ATP2B2: variants seen among roughly 807,000 people sequenced by gnomAD.
The protein encoded by ATP2B2 is plasma membrane calcium-transporting ATPase 2.
ATP2B2 carries 15 observed loss-of-function variants against 120.0 expected under a neutral mutation model. The observed-to-expected ratio is 0.12, with a 90% CI of 0.08 to 0.19. The LOEUF is 0.19. ATP2B2 is among the 10% of genes least tolerant of loss of function. The pLI is 1.00. For missense variants in ATP2B2, 1,045 were observed against 1,719.8 expected (o/e 0.61, Z 6.94); for synonymous variants, 694 against 700.3 (o/e 0.99, Z 0.14).
intron 2 of ATP2B2, among the ~76,000 whole-genome samples, chr3:10,598,290 A>C (rs1467492787): frequency 6.6e-6 from 1 of 152,220 alleles, no homozygotes; most frequent in East Asian, 1.9e-4. Context: ...TTCAAATTCC[A>C]GTTTCTCTGC....
At chr3:10,661,843 C>A (rs1221495110) in intron 1 of ATP2B2, among the ~76,000 whole-genome samples, 1 of 152,206 alleles carries the variant, frequency 6.6e-6, no homozygotes, top group Non-Finnish European at 1.5e-5. Context: ...TACCTGACTT[C>A]AAACTATACT....
intron 10 of ATP2B2, 64 bp downstream of exon 10, chr3:10,378,188 G>T: frequency 6.3e-7 from 1 of 1,578,804 alleles, no homozygotes; most frequent in East Asian, 2.3e-5. Context: ...CCGAGCATGG[G>T]GCAGGGCTCT....
At chr3:10,421,907 G>T (rs150728327) in intron 2 of ATP2B2, among the ~76,000 whole-genome samples, 3 of 152,180 alleles carry the variant, frequency 2.0e-5, no homozygotes, top group African/African-American at 7.2e-5. Context: ...TTCCTGAAAG[G>T]CTTCCTTGAT....
intron 1 of ATP2B2, among the ~76,000 whole-genome samples, chr3:10,474,836 A>T (rs555244102): frequency 1.3e-5 from 2 of 152,362 alleles, no homozygotes; most frequent in Admixed American, 1.3e-4. Flanking sequence ...CAGACTTTCC[A>T]TGGCCTTCTG....
intron 1 of ATP2B2, among the ~76,000 whole-genome samples, chr3:10,686,479 C>T (rs1414443195): frequency 6.6e-6 from 1 of 152,014 alleles, no homozygotes; most frequent in Non-Finnish European, 1.5e-5. Context: ...ACGGTGAAAC[C>T]CCATCTCTAC....
chr3:10,366,377 G>C (rs771543388), intron 12 of ATP2B2, among the ~76,000 whole-genome samples: 4 of 152,170 alleles, frequency 2.6e-5, no homozygotes, highest in African/African-American at 4.8e-5. Context: ...GGGTGTACTG[G>C]GGACCTGGGG....
At chr3:10,412,529 C>T (rs1273636641) in intron 2 of ATP2B2, among the ~76,000 whole-genome samples, 3 of 152,162 alleles carry the variant, frequency 2.0e-5, no homozygotes, top group Non-Finnish European at 4.4e-5. Context: ...TTCAGCAAAC[C>T]GGGAACAGCC....
At chr3:10,616,060 C>T (rs2069376781) in intron 2 of ATP2B2, among the ~76,000 whole-genome samples, 2 of 152,112 alleles carry the variant, frequency 1.3e-5, no homozygotes, top group Non-Finnish European at 2.9e-5. Context: ...ACACTTACCT[C>T]CCTCCCCCGA....
rs530840751 is a variant in ATP2B2 at position 10,409,153 on chromosome 3, G to T, written c.397+1465C>A. Among the ~76,000 whole-genome samples, 17 of 152,246 alleles carry T rather than the reference G, an allele frequency of 1.1e-4. No homozygotes were observed. In the South Asian group the frequency reaches 3.5e-3, roughly 32 times the overall value. Reference sequence around the variant, plus strand: ...TGTTACACTCTTAGCTTTGTTCAAGGCTTATTCAAGTCGTCATGTACTACC... The same window carrying T: ...TGTTACACTCTTAGCTTTGTTCAAGTCTTATTCAAGTCGTCATGTACTACC... On this transcript the variant is annotated intron_variant, in intron 3 of 22. Transcript: ENST00000360273.
intron 1 of ATP2B2, among the ~76,000 whole-genome samples, chr3:10,459,988 A>G (rs1372034300): frequency 2.0e-5 from 3 of 152,150 alleles, no homozygotes; most frequent in Non-Finnish European, 2.9e-5. Flanking sequence ...TCTGGTTTCT[A>G]CAGTGAGGCA....
chr3:10,670,511 G>C (rs1038771226), intron 1 of ATP2B2, among the ~76,000 whole-genome samples: 5 of 152,202 alleles, frequency 3.3e-5, no homozygotes, highest in Admixed American at 3.3e-4. Context: ...TCTGCCTCCC[G>C]GGTTCAAGCA....
chr3:10,382,872 C>T (rs1293805381), intron 8 of ATP2B2, among the ~76,000 whole-genome samples: 3 of 151,418 alleles, frequency 2.0e-5, no homozygotes, highest in Non-Finnish European at 4.4e-5. Flanking sequence ...ATATCCAAGT[C>T]ATTGTGATCT....
At chr3:10,421,101 C>A (rs1366397664) in intron 2 of ATP2B2, among the ~76,000 whole-genome samples, 1 of 152,172 alleles carries the variant, frequency 6.6e-6, no homozygotes, top group Admixed American at 6.5e-5. Context: ...GGGCCAGCTG[C>A]ATTGTCCTTG....
chr3:10,654,459 A>C (rs1034861627), intron 1 of ATP2B2, among the ~76,000 whole-genome samples: 9 of 152,138 alleles, frequency 5.9e-5, no homozygotes, highest in Admixed American at 5.2e-4. Context: ...CGAGTGGATG[A>C]GGCGGGAAAT....
chr3:10,581,117 A>T (rs2068378976), intron 2 of ATP2B2, among the ~76,000 whole-genome samples: 1 of 152,218 alleles, frequency 6.6e-6, no homozygotes, highest in Admixed American at 6.5e-5. Context: ...AGATGATGGC[A>T]CTTGCCCAAG....
chr3:10,700,169 T>C (rs1198672584), intron 1 of ATP2B2, among the ~76,000 whole-genome samples: 1 of 152,108 alleles, frequency 6.6e-6, no homozygotes, highest in Non-Finnish European at 1.5e-5. Context: ...GACACCCACC[T>C]CTGCTTGGAA....
upstream of ATP2B2, among the ~76,000 whole-genome samples, chr3:10,509,950 C>T (rs565357052): frequency 2.6e-4 from 40 of 152,218 alleles, 1 homozygote; most frequent in South Asian, 1.9e-3. Flanking sequence ...ACCTATTTGG[C>T]GGGGTTGCAA....
At chr3:10,678,771 A>G (rs77264519) in intron 1 of ATP2B2, among the ~76,000 whole-genome samples, 1,924 of 152,316 alleles carry the variant, frequency 0.013, 44 homozygotes, top group African/African-American at 0.043. Context: ...TGTGGTAGGT[A>G]GAATTCTAAA....
intron 2 of ATP2B2, among the ~76,000 whole-genome samples, chr3:10,561,287 T>C (rs1361463064): frequency 6.6e-6 from 1 of 152,176 alleles, no homozygotes; most frequent in Non-Finnish European, 1.5e-5. Flanking sequence ...TGGGAACAAG[T>C]CAGTGGATGT....
Sources: gnomAD v4.1 joint callset for allele counts (sites outside exome capture counted in the v4.1 genomes callset) on GRCh38, gnomAD v4.1.1 for gene constraint, MANE v1.5 for transcripts, NCBI Gene and HGNC (gene_info 2026-07-23, HGNC 2026-07-21) for gene names.